The following PTPA variants were observed in gnomAD, a reference collection of about 807,000 sequenced individuals.
The protein encoded by PTPA is serine/threonine-protein phosphatase 2A activator.
A neutral mutation model predicts 43.6 loss-of-function variants in PTPA; 13 were observed. The observed-to-expected ratio is 0.30, with a 90% confidence interval of 0.19 to 0.47. The LOEUF (loss-of-function observed/expected upper bound fraction) is 0.47. PTPA is among the 20% of genes least tolerant of loss of function. The pLI, the probability that PTPA is intolerant of heterozygous loss-of-function variation, is 0.99. For synonymous variants in PTPA, 172 were observed against 158.2 expected (o/e 1.09, Z -0.66); for missense variants, 329 against 411.9 (o/e 0.80, Z 1.74).
intron 4 of PTPA, among the ~76,000 whole-genome samples, chr9:129,129,551 G>A (rs1352876762): frequency 6.6e-6 from 1 of 151,436 alleles, no homozygotes; most frequent in Non-Finnish European, 1.5e-5. Context: ...CTCACTGCAA[G>A]CTCCACCTCC....
At chr9:129,142,937 A>AAAG in intron 9 of PTPA, 1 of 1,443,898 alleles carries the variant, frequency 6.9e-7, no homozygotes, top group Non-Finnish European at 9.1e-7. Flanking sequence ...GAAGGGTCTT[A>AAAG]CCCTTTGGAG....
rs1298023400 is a variant in PTPA at position 129,133,295 on chromosome 9, CG to C, written c.461-1497del. On this transcript the variant is annotated intron_variant, in intron 5 of 9. Coordinates refer to ENST00000393370, the MANE Select transcript of PTPA (RefSeq NM_178000.3). ...GCCCTGGAGAAGGGCCCTCTTGGAC[CG>C]GGTGGGGCTTTGACTAAGACCAGCA... Among the ~76,000 whole-genome samples the C allele has an allele frequency of 3.3e-5, 5 of 152,100 alleles. No individual in the cohort carries two copies. The East Asian group carries it at 9.6e-4, about 29-fold the overall frequency.
intron 2 of PTPA, among the ~76,000 whole-genome samples, chr9:129,121,439 T>C (rs1351199725): frequency 1.3e-5 from 2 of 152,220 alleles, no homozygotes; most frequent in East Asian, 3.9e-4. Flanking sequence ...TATCATGTCT[T>C]TTCTGAATCT....
rs1476147874 is a variant in PTPA at position 129,148,259 on chromosome 9, C to T, written c.*795C>T. On this transcript the variant is annotated 3_prime_UTR_variant, in exon 10 of 10. Coordinates refer to ENST00000393370, the MANE Select transcript of PTPA (RefSeq NM_178000.3). Reference sequence around the variant, plus strand: ...GCCCAGATGATGGGGTGAGGCATGTCTTTCCAGAACTTTCCCTGGCAGGGA... The same window carrying T: ...GCCCAGATGATGGGGTGAGGCATGTTTTTCCAGAACTTTCCCTGGCAGGGA... 1 of 152,444 alleles carries T rather than the reference C, an allele frequency of 6.6e-6. No individual in the cohort carries two copies. The highest frequency in any genetic ancestry group is 2.4e-5 in the African/African-American group (1 of 41,472). The allele number at this position is 152,444 out of a possible 1,614,324, so 9.4% of individuals were successfully genotyped here. A position where few individuals can be genotyped will look rare whatever the true frequency, so the allele number is the denominator to read the frequency against.
intron 1 of PTPA, 23 bp from the exon 2 acceptor site, chr9:129,120,490 T>G (rs531497358): frequency 6.3e-7 from 1 of 1,576,862 alleles, no homozygotes; most frequent in African/African-American, 1.4e-5. Flanking sequence ...TATCTGTTTG[T>G]TTTTTCATTT....
intron 9 of PTPA, among the ~76,000 whole-genome samples, chr9:129,145,262 T>G (rs1588542733): frequency 1.5e-5 from 2 of 136,060 alleles, no homozygotes; most frequent in African/African-American, 2.8e-5. Flanking sequence ...ATTTGGGAGG[T>G]GGAGGTTGCA....
At chr9:129,115,541 A>T (rs11564083) in intron 1 of PTPA, among the ~76,000 whole-genome samples, 1 of 152,136 alleles carries the variant, frequency 6.6e-6, no homozygotes, top group South Asian at 2.1e-4. Flanking sequence ...CATGTAGCTG[A>T]TGTCAGCCAG....
At chr9:129,142,722 G>C in intron 9 of PTPA, 170 bp downstream of exon 9, 1 of 1,539,064 alleles carries the variant, frequency 6.5e-7, no homozygotes, top group East Asian at 2.4e-5. Context: ...TCTCCCATCT[G>C]GGGCATGGGC....
chr9:129,140,697 A>G (rs1259857920), intron 8 of PTPA, among the ~76,000 whole-genome samples: 2 of 152,040 alleles, frequency 1.3e-5, no homozygotes, highest in Non-Finnish European at 2.9e-5. Flanking sequence ...GGCCCTGTCC[A>G]GAGAGTGAAA....
chr9:129,147,322 G>T, intron 9 of PTPA, 65 bp from the exon 10 acceptor site: 2 of 1,532,376 alleles, frequency 1.3e-6, no homozygotes, highest in Non-Finnish European at 1.8e-6. Flanking sequence ...TGCTGCGGTT[G>T]TTGGGGTCCT....
At chr9:129,140,209 C>G (rs532271498) in intron 8 of PTPA, 1 of 152,798 alleles carries the variant, frequency 6.5e-6, no homozygotes, top group South Asian at 2.1e-4. Flanking sequence ...CCTGGGGTCA[C>G]TGCGGGCTGC....
At chr9:129,122,185 C>G (rs779286748) in intron 2 of PTPA, among the ~76,000 whole-genome samples, 2 of 152,096 alleles carry the variant, frequency 1.3e-5, no homozygotes. Context: ...TCTCTGCAGC[C>G]TCCACCTCTT....
chr9:129,131,707 T>C, intron 5 of PTPA, 68 bp downstream of exon 5: 1 of 1,449,818 alleles, frequency 6.9e-7, no homozygotes, highest in Non-Finnish European at 9.7e-7. Context: ...CTTCAGGTGG[T>C]CTCTGGGCCC....
At chr9:129,112,351 G>C (rs1407816360) in intron 1 of PTPA, among the ~76,000 whole-genome samples, 1 of 152,122 alleles carries the variant, frequency 6.6e-6, no homozygotes, top group Non-Finnish European at 1.5e-5. Flanking sequence ...GCTGTTTGCC[G>C]ACCTACCTTG....
rs1390815353 is a variant in PTPA at position 129,111,437 on chromosome 9, C to A, written c.-164C>A. The A allele has an allele frequency of 1.7e-5, 21 of 1,251,818 alleles. No individual in the cohort carries two copies. In the East Asian group the frequency reaches 6.3e-4, roughly 38 times the overall value. The allele number at this position is 1,251,818 out of a possible 1,614,324, so 77.5% of individuals were successfully genotyped here. A position where few individuals can be genotyped will look rare whatever the true frequency, so the allele number is the denominator to read the frequency against. ...CGCACCGACATGGCGGCCGTCTTCGCTGTGGTGACTTTAACTCTCGGTTTT... is the reference window on the plus strand; with the variant it reads ...CGCACCGACATGGCGGCCGTCTTCGATGTGGTGACTTTAACTCTCGGTTTT... On this transcript the variant is annotated 5_prime_UTR_variant, in exon 1 of 10. It adds an upstream start codon to the 5' untranslated region. Transcript: ENST00000393370.
At chr9:129,140,386 C>A (rs1002384697) in intron 8 of PTPA, among the ~76,000 whole-genome samples, 1 of 152,206 alleles carries the variant, frequency 6.6e-6, no homozygotes, top group African/African-American at 2.4e-5. Context: ...TAGGGAGACC[C>A]TGGGGTACTG....
intron 8 of PTPA, chr9:129,137,931 A>T: frequency 3.9e-6 from 2 of 516,314 alleles, no homozygotes; most frequent in Non-Finnish European, 7.3e-6. Flanking sequence ...GAGTCTTGAG[A>T]TGAGGGTCTA....
At chr9:129,116,361 T>C (rs1271657061) in intron 1 of PTPA, among the ~76,000 whole-genome samples, 3 of 143,546 alleles carry the variant, frequency 2.1e-5, no homozygotes, top group African/African-American at 7.6e-5. Context: ...ATTTTTTTTG[T>C]ATTTTTAGTA....
Position 129,128,139 on chromosome 9 carries a change from C to T in PTPA, c.217-846C>T. The T allele has an allele frequency of 3.0e-6, 3 of 1,008,154 alleles. 1 individual carries two copies. The highest frequency in any genetic ancestry group is 1.7e-5 in the African/African-American group (1 of 60,052). 62.5% of individuals were successfully genotyped at this position (1,008,154 alleles called of 1,614,324 possible). A position where few individuals can be genotyped will look rare whatever the true frequency, so the allele number is the denominator to read the frequency against. The stretch of plus-strand genomic sequence containing the variant: ...TCAGAGTTAGTCACTTGCTCAAGGT[C>T]TCACAGCAGCTAAATGGTGTTTTAG... On this transcript the variant is annotated intron_variant, in intron 3 of 9. Coordinates refer to ENST00000393370, the MANE Select transcript of PTPA (RefSeq NM_178000.3).
Sources: gnomAD v4.1 joint callset for allele counts (sites outside exome capture counted in the v4.1 genomes callset) on GRCh38, gnomAD v4.1.1 for gene constraint, MANE v1.5 for transcripts, NCBI Gene and HGNC (gene_info 2026-07-23, HGNC 2026-07-21) for gene names.